The following PRKCB variants were observed in gnomAD, a reference collection of about 807,000 sequenced individuals.
The protein encoded by PRKCB is protein kinase C beta.
PRKCB carries 13 observed loss-of-function variants against 81.5 expected under a neutral mutation model. The observed-to-expected ratio is 0.16, with a 90% confidence interval of 0.10 to 0.25. The LOEUF is 0.25. Ranked by LOEUF, PRKCB falls within the 10% of genes least tolerant of loss-of-function variation. The pLI, the probability that PRKCB is intolerant of heterozygous loss-of-function variation, is 1.00. For missense variants in PRKCB, 509 were observed against 875.7 expected, an observed-to-expected ratio of 0.58 and a Z score of 5.29; for synonymous variants, 335 against 321.4, an observed-to-expected ratio of 1.04 and a Z score of -0.45.
chr16:24,208,420 G>A (rs560027633), intron 16 of PRKCB: 1 of 152,316 alleles, frequency 6.6e-6, no homozygotes, highest in South Asian at 2.1e-4. Flanking sequence ...ACGTGTAACA[G>A]GTCACAGATA....
At chr16:24,054,938 G>A (rs895241023) in intron 5 of PRKCB, among the ~76,000 whole-genome samples, 1 of 152,224 alleles carries the variant, frequency 6.6e-6, no homozygotes, top group African/African-American at 2.4e-5. Context: ...TGTTTTCCTG[G>A]AGGGCAGAGA....
chr16:24,056,918 C>T (rs1965908808), intron 5 of PRKCB, among the ~76,000 whole-genome samples: 2 of 152,212 alleles, frequency 1.3e-5, no homozygotes, highest in Admixed American at 6.5e-5. Flanking sequence ...CATAGCCTTG[C>T]TATTGGTGAG....
chr16:24,195,839 C>T (rs1002226777), intron 16 of PRKCB, among the ~76,000 whole-genome samples: 2 of 152,186 alleles, frequency 1.3e-5, no homozygotes, highest in African/African-American at 4.8e-5. Flanking sequence ...GCTTTAGCTC[C>T]TGACTCCAAG....
intron 2 of PRKCB, among the ~76,000 whole-genome samples, chr16:23,938,250 A>G (rs901453266): frequency 1.3e-5 from 2 of 152,226 alleles, no homozygotes; most frequent in African/African-American, 2.4e-5. Flanking sequence ...AAATGTTATC[A>G]TCTACATATT....
chr16:23,931,041 C>T (rs965058936), intron 2 of PRKCB, among the ~76,000 whole-genome samples: 1 of 152,218 alleles, frequency 6.6e-6, no homozygotes, highest in African/African-American at 2.4e-5. Context: ...TCCCCTGGAG[C>T]ACTGTGAGTG....
At chr16:24,170,263 A>G (rs1967420962) in intron 10 of PRKCB, among the ~76,000 whole-genome samples, 2 of 152,142 alleles carry the variant, frequency 1.3e-5, no homozygotes, top group Non-Finnish European at 2.9e-5. Context: ...TTTTACTTGA[A>G]TAGATAGATG....
In PRKCB at chr16:24,172,250, T is replaced by A; in HGVS notation, c.1240-20T>A. Reference sequence around the variant, plus strand: ...AGAAGCTACGGGATGCTAATGTTGCTGTTTGCTGTCCTCTTCCAGGACCGC... The same window carrying A: ...AGAAGCTACGGGATGCTAATGTTGCAGTTTGCTGTCCTCTTCCAGGACCGC... On this transcript the variant is annotated intron_variant, in intron 10 of 16. Coordinates refer to ENST00000643927, the MANE Select transcript of PRKCB (RefSeq NM_002738.7). 6.3e-7 allele frequency: 1 copy of A among 1,598,008 alleles called. No individual in the cohort carries two copies. Among genetic ancestry groups the A allele is most frequent in the Non-Finnish European group, 8.6e-7 (1 of 1,165,774 alleles).
intron 2 of PRKCB, among the ~76,000 whole-genome samples, chr16:23,938,234 G>A (rs910916448): frequency 1.3e-5 from 2 of 152,176 alleles, no homozygotes; most frequent in Non-Finnish European, 2.9e-5. Flanking sequence ...ACAGAGTTTT[G>A]AAGGGAAATG....
chr16:24,150,205 C>G (rs1967058514), intron 9 of PRKCB, among the ~76,000 whole-genome samples: 1 of 152,146 alleles, frequency 6.6e-6, no homozygotes, highest in South Asian at 2.1e-4. Flanking sequence ...GTGGTGGACG[C>G]CTGTAATCCC....
chr16:24,031,525 G>A (rs922153522), intron 3 of PRKCB, among the ~76,000 whole-genome samples: 1 of 152,180 alleles, frequency 6.6e-6, no homozygotes, highest in African/African-American at 2.4e-5. Flanking sequence ...GGGAAATATG[G>A]CCTCTATCTG....
At chr16:23,971,660 CT>C (rs1162056502) in intron 2 of PRKCB, among the ~76,000 whole-genome samples, 1 of 152,210 alleles carries the variant, frequency 6.6e-6, no homozygotes, top group Non-Finnish European at 1.5e-5. Context: ...GGTTGCCCAT[CT>C]CTCAGGGTTT....
At chr16:24,085,200 T>G (rs1966297809) in intron 5 of PRKCB, among the ~76,000 whole-genome samples, 1 of 148,206 alleles carries the variant, frequency 6.7e-6, no homozygotes. Context: ...AAGGATAAAC[T>G]ACCACTGGAG....
At chr16:24,120,276 G>T (rs774006644) in intron 8 of PRKCB, among the ~76,000 whole-genome samples, 2 of 152,164 alleles carry the variant, frequency 1.3e-5, no homozygotes, top group African/African-American at 4.8e-5. Flanking sequence ...GGTTACATGG[G>T]TGTGCACATT....
At chr16:24,109,294 C>A (rs1198067973) in intron 7 of PRKCB, among the ~76,000 whole-genome samples, 1 of 80,384 alleles carries the variant, frequency 1.2e-5, no homozygotes, top group African/African-American at 5.9e-5. Flanking sequence ...GCTGACCCCC[C>A]CACCTCCCTC....
At chr16:24,158,205 C>T (rs1022948618) in intron 10 of PRKCB, among the ~76,000 whole-genome samples, 4 of 152,172 alleles carry the variant, frequency 2.6e-5, no homozygotes, top group South Asian at 2.1e-4. Context: ...CTGCACTCTG[C>T]GCATATGCTC....
chr16:24,180,937 T>G lies in PRKCB; in HGVS notation c.1533+9T>G. ...ACTACATCGCCCCCGAGGTGAGAGC[T>G]GCTGGGCACACGTTCACATTGCGGT... On this transcript the variant is annotated intron_variant, in intron 13 of 16. Coordinates refer to ENST00000643927, the MANE Select transcript of PRKCB (RefSeq NM_002738.7). 6.2e-7 allele frequency: 1 copy of G among 1,613,548 alleles called. No individual in the cohort carries two copies. Among genetic ancestry groups the G allele is most frequent in the Non-Finnish European group, 8.5e-7 (1 of 1,179,650 alleles).
Position 24,217,392 on chromosome 16 carries a change from G to A in PRKCB, c.*2576G>A, listed in dbSNP as rs889327720. 1 of 985,374 alleles carries A rather than the reference G, an allele frequency of 1.0e-6. No homozygotes were observed. The highest frequency in any genetic ancestry group is 1.2e-6 in the Non-Finnish European group (1 of 829,920). 61.0% of individuals were successfully genotyped at this position (985,374 alleles called of 1,614,324 possible). ...AACAGAGCTTTTTGAAGAGAGGACA[G>A]GGCCATAGCAACAAGGACCTTCTTG... On this transcript the variant is annotated 3_prime_UTR_variant, in exon 17 of 17. Coordinates refer to ENST00000643927, the MANE Select transcript of PRKCB (RefSeq NM_002738.7).
chr16:23,994,790 C>T lies in PRKCB; in HGVS notation c.288+6200C>T, dbSNP rs552823079. Among the ~76,000 whole-genome samples, 7 of 152,340 alleles carry T rather than the reference C, an allele frequency of 4.6e-5. No individual in the cohort carries two copies. The East Asian group carries it at 1.2e-3, about 25-fold the overall frequency. On this transcript the variant is annotated intron_variant, in intron 3 of 16. Transcript: ENST00000643927. Reference sequence around the variant, plus strand: ...TCTCCATCTCTGTCCATAAGACCCACCAGAGCAGTTTTATTGCAGCTGGTA... The same window carrying T: ...TCTCCATCTCTGTCCATAAGACCCATCAGAGCAGTTTTATTGCAGCTGGTA...
At chr16:24,195,033 G>A (rs146192895) in intron 16 of PRKCB, among the ~76,000 whole-genome samples, 8,448 of 151,966 alleles carry the variant, frequency 0.056, 740 homozygotes, top group African/African-American at 0.19. Flanking sequence ...GCAAAACCCC[G>A]TCTCTACAAA....
Sources: gnomAD v4.1 joint callset for allele counts (sites outside exome capture counted in the v4.1 genomes callset) on GRCh38, gnomAD v4.1.1 for gene constraint, MANE v1.5 for transcripts, NCBI Gene and HGNC (gene_info 2026-07-23, HGNC 2026-07-21) for gene names.